The following STAP1 variants were observed in gnomAD, a reference collection of about 807,000 sequenced individuals.
STAP1 encodes signal-transducing adaptor protein 1.
A neutral mutation model predicts 37.8 loss-of-function variants in STAP1; 30 were observed. That is an observed-to-expected ratio of 0.79 (90% CI 0.59 to 1.08). The LOEUF is 1.08. STAP1 is among the 50% of genes least tolerant of loss of function. STAP1 has a pLI of 0.00. For synonymous variants in STAP1, 130 were observed against 116.0 expected (o/e 1.12, Z -0.78); for missense variants, 357 against 349.4 (o/e 1.02, Z -0.17).
intron 8 of STAP1, among the ~76,000 whole-genome samples, chr4:67,595,525 C>T (rs576787186): frequency 1.0e-3 from 155 of 152,004 alleles, no homozygotes; most frequent in African/African-American, 3.6e-3. Context: ...AGAGTGAGAC[C>T]CTTTCTCTAA....
Position 67,558,909 on chromosome 4 carries a change from A to G in STAP1, c.100A>G (p.Ile34Val), listed in dbSNP as rs762426398. Residue 34 changes from isoleucine to valine, a missense_variant, in exon 1 of 9, where the codon ATC becomes GTC. Ile to Val is a conservative substitution (Grantham distance 29). Transcript: ENST00000265404. ...LPLYFEGFLL[I>V]KRSGYREYEH... ...TTTGTACTTTGAAGGTTTTTTATTAATCAAGCGGTCAGGATACCGGGTGAG... is the reference window on the plus strand; with the variant it reads ...TTTGTACTTTGAAGGTTTTTTATTAGTCAAGCGGTCAGGATACCGGGTGAG... 3 of 1,612,824 alleles carry G rather than the reference A, an allele frequency of 1.9e-6. No individual in the cohort carries two copies.
chr4:67,595,896 G>T (rs1728214330), intron 8 of STAP1, among the ~76,000 whole-genome samples: 1 of 152,168 alleles, frequency 6.6e-6, no homozygotes, highest in South Asian at 2.1e-4. Flanking sequence ...TCCAGTTGAA[G>T]AATGCAATAT....
chr4:67,601,627 T>C (rs748057063), intron 8 of STAP1, among the ~76,000 whole-genome samples: 8 of 152,230 alleles, frequency 5.3e-5, no homozygotes, highest in African/African-American at 9.6e-5. Flanking sequence ...GGATATACTA[T>C]TCTAGGAGGA....
chr4:67,573,016 T>G, intron 2 of STAP1, among the ~76,000 whole-genome samples: 1 of 152,208 alleles, frequency 6.6e-6, no homozygotes, highest in East Asian at 1.9e-4. Flanking sequence ...ACAGACCTTT[T>G]GGGAACTTTT....
chr4:67,599,628 TC>T (rs1168391016), intron 8 of STAP1, among the ~76,000 whole-genome samples: 1 of 151,868 alleles, frequency 6.6e-6, no homozygotes, highest in African/African-American at 2.4e-5. Flanking sequence ...TTGTTGATTT[TC>T]TTTTTTCTTT....
intron 6 of STAP1, among the ~76,000 whole-genome samples, chr4:67,588,549 A>G (rs866030086): frequency 1.4e-4 from 21 of 152,142 alleles, no homozygotes; most frequent in Middle Eastern, 3.4e-3. Flanking sequence ...AGCTGGGACT[A>G]CAGGTGCCCA....
intron 1 of STAP1, among the ~76,000 whole-genome samples, chr4:67,569,162 A>G (rs1727543114): frequency 6.6e-6 from 1 of 152,232 alleles, no homozygotes; most frequent in African/African-American, 2.4e-5. Context: ...TAAATACTGT[A>G]GGCAATTGTA....
Position 67,590,877 on chromosome 4 carries a change from A to G in STAP1, c.660-7A>G. On this transcript the variant is annotated splice_region_variant and splice_polypyrimidine_tract_variant and intron_variant, in intron 6 of 8. Coordinates refer to ENST00000265404, the MANE Select transcript of STAP1 (RefSeq NM_012108.4). ...AAAATGGAGACTAACCATTTGTTTCATTGTAGCATTCCAAGAATCAAGCAC... is the reference window on the plus strand; with the variant it reads ...AAAATGGAGACTAACCATTTGTTTCGTTGTAGCATTCCAAGAATCAAGCAC... The G allele has an allele frequency of 6.2e-7, 1 of 1,605,224 alleles. No homozygotes were observed. Among genetic ancestry groups the G allele is most frequent in the East Asian group, 2.2e-5 (1 of 44,472 alleles).
At chr4:67,575,852 A>G (rs1241849745) in intron 3 of STAP1, among the ~76,000 whole-genome samples, 3 of 152,184 alleles carry the variant, frequency 2.0e-5, no homozygotes, top group Non-Finnish European at 4.4e-5. Context: ...TAAATAAGAT[A>G]TACTCGGAGA....
intron 8 of STAP1, among the ~76,000 whole-genome samples, chr4:67,599,337 C>T (rs1350676479): frequency 1.3e-5 from 2 of 152,156 alleles, no homozygotes; most frequent in Non-Finnish European, 2.9e-5. Flanking sequence ...CCATTGGGTC[C>T]CAGGCTCTTC....
chr4:67,595,281 G>T (rs1245693326), intron 8 of STAP1, among the ~76,000 whole-genome samples: 1 of 147,984 alleles, frequency 6.8e-6, no homozygotes, highest in Non-Finnish European at 1.5e-5. Context: ...GAACAGGGCA[G>T]CCCACACCTA....
At chr4:67,594,997 AT>A (rs565864456) in intron 8 of STAP1, among the ~76,000 whole-genome samples, 2 of 151,934 alleles carry the variant, frequency 1.3e-5, no homozygotes, top group South Asian at 4.2e-4. Flanking sequence ...TTGTCTTTTC[AT>A]TTTTTTAACA....
intron 6 of STAP1, among the ~76,000 whole-genome samples, 189 bp from the exon 7 acceptor site, chr4:67,590,695 A>T (rs1227110223): frequency 6.6e-6 from 1 of 151,928 alleles, no homozygotes; most frequent in East Asian, 1.9e-4. Context: ...TAGCCCCCAC[A>T]AAAAGACACT....
At position 67,569,419 on chromosome 4, in the gene STAP1, A is replaced by G. The variant is rs931312850; in HGVS notation, c.121-1665A>G. Among the ~76,000 whole-genome samples, 8 of 152,282 alleles carry G rather than the reference A, an allele frequency of 5.3e-5. No individual in the cohort carries two copies. The East Asian group carries it at 1.3e-3, about 26-fold the overall frequency. ...TCAGGCTACACTAAGTTTATAAAAA[A>G]TGTTTTTCTTTTTCATTAACAAATT... On this transcript the variant is annotated intron_variant, in intron 1 of 8. Transcript: ENST00000265404.
At chr4:67,571,431 T>G (rs1378848589) in intron 2 of STAP1, among the ~76,000 whole-genome samples, 1 of 152,216 alleles carries the variant, frequency 6.6e-6, no homozygotes, top group Non-Finnish European at 1.5e-5. Flanking sequence ...AGTGAAAATT[T>G]TTGACAAGAC....
intron 6 of STAP1, among the ~76,000 whole-genome samples, chr4:67,584,081 G>C (rs1053323683): frequency 7.5e-6 from 1 of 133,754 alleles, no homozygotes; most frequent in African/African-American, 2.9e-5. Flanking sequence ...CTGGGTGACA[G>C]AGTGAGACTC....
chr4:67,601,250 T>C (rs1278572787), intron 8 of STAP1, among the ~76,000 whole-genome samples: 2 of 152,190 alleles, frequency 1.3e-5, no homozygotes, highest in African/African-American at 2.4e-5. Flanking sequence ...AAACTAATAA[T>C]AGCTCTATAC....
intron 1 of STAP1, among the ~76,000 whole-genome samples, chr4:67,563,428 A>G (rs368390836): frequency 7.9e-5 from 12 of 152,110 alleles, no homozygotes; most frequent in African/African-American, 2.7e-4. Context: ...TGAGTAGGTG[A>G]GGCATGCTGG....
At chr4:67,562,336 C>T (rs546866771) in intron 1 of STAP1, among the ~76,000 whole-genome samples, 61 of 151,686 alleles carry the variant, frequency 4.0e-4, no homozygotes, top group African/African-American at 1.4e-3. Flanking sequence ...AGCGAAACTC[C>T]GTCTCAAAAA....
Sources: gnomAD v4.1 joint callset for allele counts (sites outside exome capture counted in the v4.1 genomes callset) on GRCh38, gnomAD v4.1.1 for gene constraint, MANE v1.5 for transcripts, NCBI Gene and HGNC (gene_info 2026-07-23, HGNC 2026-07-21) for gene names.